C5orf46: variants seen among roughly 807,000 people sequenced by gnomAD.
C5orf46 encodes the protein chromosome 5 open reading frame 46, also known as uncharacterized protein C5orf46.
A neutral mutation model predicts 8.9 loss-of-function variants in C5orf46; 9 were observed. The observed-to-expected ratio is 1.01, with a 90% CI of 0.61 to 1.76. C5orf46 has a LOEUF of 1.76. Ranked by LOEUF, C5orf46 falls within the 40% of genes most tolerant of loss-of-function variation. The pLI, the probability that C5orf46 is intolerant of heterozygous loss-of-function variation, is 0.00. For missense variants in C5orf46, 98 were observed against 107.8 expected, an observed-to-expected ratio of 0.91 and a Z score of 0.40; for synonymous variants, 47 against 41.4, an observed-to-expected ratio of 1.14 and a Z score of -0.52.
At chr5:147,902,041 C>T (rs987571376) in intron 1 of C5orf46, among the ~76,000 whole-genome samples, 3 of 152,148 alleles carry the variant, frequency 2.0e-5, no homozygotes, top group East Asian at 3.8e-4. Flanking sequence ...CCAAAGTTCC[C>T]AGAAGCTAAG....
At chr5:147,905,074 C>T (rs757859663) in intron 1 of C5orf46, among the ~76,000 whole-genome samples, 4 of 151,638 alleles carry the variant, frequency 2.6e-5, no homozygotes, top group Admixed American at 1.3e-4. Context: ...TTTAAAAATG[C>T]TATTAAAATA....
At chr5:147,897,570 C>A (rs536513533) in intron 2 of C5orf46, among the ~76,000 whole-genome samples, 4 of 152,062 alleles carry the variant, frequency 2.6e-5, no homozygotes, top group Non-Finnish European at 5.9e-5. Flanking sequence ...CTGCTGAGAT[C>A]GTAAAAGATA....
At position 147,897,911 on chromosome 5, in the gene C5orf46, C is replaced by T. The variant is rs188256780; in HGVS notation, c.216-870G>A. On this transcript the variant is annotated intron_variant, in intron 2 of 3. Coordinates refer to ENST00000318315, the MANE Select transcript of C5orf46 (RefSeq NM_206966.3). ...AAACATGACCTGCTTTAAAATGAAA[C>T]TCATTAGTCATTGGGGCTTCAGGTT... Among the ~76,000 whole-genome samples, 469 of 152,172 alleles carry T rather than the reference C, an allele frequency of 3.1e-3. 2 individuals are homozygous for T. Among genetic ancestry groups the T allele is most frequent in the Non-Finnish European group, 4.8e-3 (326 of 68,002 alleles).
chr5:147,903,345 C>T (rs935211951), intron 1 of C5orf46, among the ~76,000 whole-genome samples: 1 of 152,320 alleles, frequency 6.6e-6, no homozygotes, highest in Middle Eastern at 3.4e-3. Context: ...ATAATTAGGA[C>T]ACCCTGATGC....
chr5:147,891,442 C>T (rs1031593255), downstream of C5orf46, among the ~76,000 whole-genome samples: 7 of 152,018 alleles, frequency 4.6e-5, no homozygotes, highest in Non-Finnish European at 8.8e-5. Flanking sequence ...CTCTATAGAT[C>T]GTTGGAGATC....
chr5:147,904,808 G>T (rs1757724736), intron 1 of C5orf46, among the ~76,000 whole-genome samples: 1 of 150,004 alleles, frequency 6.7e-6, no homozygotes, highest in Non-Finnish European at 1.5e-5. Context: ...AGGATTGAAA[G>T]ATATTTTATA....
chr5:147,904,516 A>G (rs1260611920), intron 1 of C5orf46, among the ~76,000 whole-genome samples: 4 of 152,204 alleles, frequency 2.6e-5, no homozygotes, highest in African/African-American at 9.6e-5. Flanking sequence ...CTGTGTTTCT[A>G]TCTGGCTACT....
intron 3 of C5orf46, among the ~76,000 whole-genome samples, chr5:147,893,812 ATT>A (rs998380212): frequency 5.3e-5 from 8 of 152,046 alleles, no homozygotes; most frequent in Admixed American, 6.6e-5. Context: ...AAGCGCTGGG[ATT>A]TGGTAGGCAC....
chr5:147,896,099 T>C (rs1209353288), intron 3 of C5orf46, among the ~76,000 whole-genome samples: 1 of 152,176 alleles, frequency 6.6e-6, no homozygotes, highest in Non-Finnish European at 1.5e-5. Context: ...TCTATGAACA[T>C]CTTGAGGTAT....
At chr5:147,906,094 G>A (rs886928224) in intron 1 of C5orf46, among the ~76,000 whole-genome samples, 15 of 152,006 alleles carry the variant, frequency 9.9e-5, no homozygotes, top group African/African-American at 3.4e-4. Context: ...TTATTCCAGA[G>A]TACATATTCT....
chr5:147,895,217 T>A (rs1005805801), intron 3 of C5orf46, among the ~76,000 whole-genome samples: 4 of 152,158 alleles, frequency 2.6e-5, no homozygotes, highest in Non-Finnish European at 5.9e-5. Flanking sequence ...ATCACTTAGA[T>A]CACTTGAGGC....
chr5:147,902,571 G>A (rs1044019129), intron 1 of C5orf46, among the ~76,000 whole-genome samples: 1 of 152,174 alleles, frequency 6.6e-6, no homozygotes, highest in African/African-American at 2.4e-5. Flanking sequence ...TACAAGGTAG[G>A]AACAATTATC....
At chr5:147,888,693 A>G (rs900647107), downstream of C5orf46, among the ~76,000 whole-genome samples, 4 of 152,104 alleles carry the variant, frequency 2.6e-5, no homozygotes, top group African/African-American at 4.8e-5. Context: ...CAAGAGAACC[A>G]TCTTCCTTCC....
At chr5:147,906,022 G>C (rs986949697) in intron 1 of C5orf46, among the ~76,000 whole-genome samples, 3 of 152,190 alleles carry the variant, frequency 2.0e-5, no homozygotes, top group African/African-American at 7.2e-5. Context: ...GAGGCCTAGA[G>C]AGATTGAATA....
At chr5:147,886,098 C>A (rs1467871310) in intron 2 of C5orf46, 1 of 152,052 alleles carries the variant, frequency 6.6e-6, no homozygotes, top group African/African-American at 2.4e-5. Flanking sequence ...ATTTTGTATA[C>A]TTTTATTTAT....
At chr5:147,891,676 A>G (rs966683119), downstream of C5orf46, among the ~76,000 whole-genome samples, 1 of 152,206 alleles carries the variant, frequency 6.6e-6, no homozygotes, top group African/African-American at 2.4e-5. Flanking sequence ...ATTGGAAAAG[A>G]GATTTTGCAG....
intron 3 of C5orf46, among the ~76,000 whole-genome samples, chr5:147,894,214 G>A (rs1757546523): frequency 6.6e-6 from 1 of 152,054 alleles, no homozygotes; most frequent in African/African-American, 2.4e-5. Flanking sequence ...AGTGAGGTTT[G>A]TCCAAATTTG....
At chr5:147,904,041 C>A (rs1397558131) in intron 1 of C5orf46, among the ~76,000 whole-genome samples, 1 of 152,070 alleles carries the variant, frequency 6.6e-6, no homozygotes, top group Non-Finnish European at 1.5e-5. Context: ...AGCCATCCTG[C>A]CTGGCCTGAG....
chr5:147,906,437 T>C lies in C5orf46; in HGVS notation c.65A>G (p.Tyr22Cys), dbSNP rs141343367. The part of the protein sequence containing the change: ...LGLLVLFLTC[Y>C]ADDKPDKPDD... ...CTGTGATCAGAAGCACTTACCTGCA[T>C]AGCAGGTCAGGAATAAGACAAGCAG... is the stretch of plus-strand genomic sequence containing the variant. The change falls in exon 1 of 4, where the codon TAT becomes TGT. Residue 22 changes from tyrosine to cysteine, a missense_variant. Tyr to Cys is a radical substitution (Grantham distance 194, BLOSUM62 -2). Transcript: ENST00000318315. 6.2e-6 allele frequency: 10 copies of C among 1,603,786 alleles called. No homozygotes were observed. The African/African-American group carries it at 1.3e-4, about 21-fold the overall frequency.
Sources: gnomAD v4.1 joint callset for allele counts (sites outside exome capture counted in the v4.1 genomes callset) on GRCh38, gnomAD v4.1.1 for gene constraint, MANE v1.5 for transcripts, NCBI Gene and HGNC (gene_info 2026-07-23, HGNC 2026-07-21) for gene names.